The following GALNT13 variants were observed in gnomAD, a reference collection of about 807,000 sequenced individuals.
The protein encoded by GALNT13 is UDP-GalNAc:polypeptide N-acetylgalactosaminyltransferase 13.
Under a neutral mutation model 64.2 loss-of-function variants are expected in GALNT13, and 28 were observed. The observed-to-expected ratio is 0.44, with a 90% CI of 0.32 to 0.60. The LOEUF (loss-of-function observed/expected upper bound fraction) is 0.60, where lower values mean the gene tolerates loss of function less well. Ranked by LOEUF, GALNT13 falls within the 20% of genes least tolerant of loss-of-function variation. The pLI, the probability that GALNT13 is intolerant of heterozygous loss-of-function variation, is 0.05. For missense variants in GALNT13, 577 were observed against 669.8 expected (o/e 0.86, Z 1.53); for synonymous variants, 214 against 224.6 (o/e 0.95, Z 0.42).
the GALNT13 span, among the ~76,000 whole-genome samples, chr2:153,438,886 G>T: frequency 6.6e-6 from 1 of 152,154 alleles, no homozygotes; most frequent in African/African-American, 2.4e-5. Flanking sequence ...TTTGGAGGGG[G>T]AGAGGCGCTC....
the GALNT13 span, among the ~76,000 whole-genome samples, chr2:153,314,624 A>C: frequency 9.2e-5 from 14 of 152,174 alleles, no homozygotes; most frequent in Non-Finnish European, 1.9e-4. Context: ...GAAGTCAAAA[A>C]CAGAAGGAAA....
chr2:153,923,531 CATG>C (rs961022452), intron 2 of GALNT13, among the ~76,000 whole-genome samples: 7 of 151,894 alleles, frequency 4.6e-5, no homozygotes, highest in African/African-American at 1.7e-4. Flanking sequence ...AAATCTCAAT[CATG>C]GTTGTTTTTA....
the GALNT13 span, among the ~76,000 whole-genome samples, chr2:153,303,825 C>G: frequency 6.6e-6 from 1 of 151,996 alleles, no homozygotes; most frequent in Non-Finnish European, 1.5e-5. Flanking sequence ...AATTCACAGC[C>G]TCTTTCTAAC....
At chr2:154,393,050 G>A (rs1574224384) in intron 9 of GALNT13, among the ~76,000 whole-genome samples, 2 of 152,352 alleles carry the variant, frequency 1.3e-5, no homozygotes, top group East Asian at 3.9e-4. Context: ...GAACCTTGGA[G>A]ATGGAGCAAG....
chr2:153,356,008 G>C, the GALNT13 span, among the ~76,000 whole-genome samples: 1 of 151,998 alleles, frequency 6.6e-6, no homozygotes, highest in African/African-American at 2.4e-5. Flanking sequence ...AGCCGGAAGG[G>C]GTCTTAGGCG....
chr2:154,268,432 GGA>G (rs1301656346), intron 8 of GALNT13, among the ~76,000 whole-genome samples: 1 of 152,136 alleles, frequency 6.6e-6, no homozygotes. Flanking sequence ...AGGATTGCAG[GGA>G]GGGATTACCA....
intron 1 of GALNT13, among the ~76,000 whole-genome samples, chr2:153,874,953 A>G (rs1686255583): frequency 6.6e-6 from 1 of 152,142 alleles, no homozygotes; most frequent in Non-Finnish European, 1.5e-5. Context: ...ACATGGCATC[A>G]TTTTTGGGTG....
intron 4 of GALNT13, among the ~76,000 whole-genome samples, chr2:154,146,128 GTGTGTGTGTATATATATA>G (rs763354347): frequency 7.1e-6 from 1 of 141,092 alleles, no homozygotes; most frequent in Non-Finnish European, 1.6e-5. Flanking sequence ...CAATGTATGT[GTGTGTGTGTATATATATA>G]TATATACACA....
At chr2:154,277,669 T>A (rs1180856826) in intron 8 of GALNT13, among the ~76,000 whole-genome samples, 1 of 152,128 alleles carries the variant, frequency 6.6e-6, no homozygotes. Flanking sequence ...AAAAATTGAG[T>A]GGTAAGTACC....
chr2:153,724,936 C>G, the GALNT13 span, among the ~76,000 whole-genome samples: 2 of 151,230 alleles, frequency 1.3e-5, no homozygotes, highest in African/African-American at 4.9e-5. Flanking sequence ...TACCATTTGA[C>G]CCAGCCATCC....
chr2:154,088,738 C>T (rs1307399939), intron 3 of GALNT13, among the ~76,000 whole-genome samples: 1 of 152,150 alleles, frequency 6.6e-6, no homozygotes, highest in African/African-American at 2.4e-5. Flanking sequence ...CAGGTGTAAG[C>T]CACCATGTCC....
chr2:153,526,115 GC>G, the GALNT13 span, among the ~76,000 whole-genome samples: 1 of 152,364 alleles, frequency 6.6e-6, no homozygotes, highest in South Asian at 2.1e-4. Flanking sequence ...ATGCCCCAGG[GC>G]CTGGGGGAGC....
At chr2:154,355,083 A>G (rs1238793432) in intron 9 of GALNT13, among the ~76,000 whole-genome samples, 1 of 151,950 alleles carries the variant, frequency 6.6e-6, no homozygotes, top group Non-Finnish European at 1.5e-5. Flanking sequence ...AATGACCTTA[A>G]GCTTTTCAGA....
rs373564567 is a variant in GALNT13, at chr2:153,983,087, A to T, written c.142+38448A>T. ...AAAACTAAAAAGCGATATTGAAATA[A>T]GTCTATTCTGTTTATAAACTAATTC... On this transcript the variant is annotated intron_variant, in intron 3 of 12. Coordinates refer to ENST00000392825, the MANE Select transcript of GALNT13 (RefSeq NM_052917.4). Among the ~76,000 whole-genome samples, 3 of 152,108 alleles carry T rather than the reference A, an allele frequency of 2.0e-5. No homozygotes were observed. The East Asian group carries it at 5.8e-4, about 29-fold the overall frequency.
the GALNT13 span, among the ~76,000 whole-genome samples, chr2:153,521,719 G>A: frequency 4.6e-5 from 7 of 151,984 alleles, no homozygotes; most frequent in Admixed American, 3.9e-4. Context: ...CTCTACTCCT[G>A]GCAATCGCTG....
chr2:154,336,349 A>G (rs775859526), intron 9 of GALNT13, among the ~76,000 whole-genome samples: 6 of 152,040 alleles, frequency 3.9e-5, no homozygotes, highest in Admixed American at 1.3e-4. Flanking sequence ...GCCTTTCCCA[A>G]TCCAGAGAAT....
the GALNT13 span, among the ~76,000 whole-genome samples, chr2:153,717,803 A>T: frequency 1.3e-5 from 2 of 152,182 alleles, no homozygotes; most frequent in Non-Finnish European, 2.9e-5. Context: ...TCGAGTAAAA[A>T]TTTAAAAGGC....
In GALNT13 at chr2:154,075,559, T is replaced by C. The variant is rs761451133; in HGVS notation, c.143-64778T>C. On this transcript the variant is annotated intron_variant, in intron 3 of 12. Transcript: ENST00000392825. ...TTCCTGTCATTGTTGATCAAATATA[T>C]TTTCAACATTTTGTTATCGTAAATG... is the stretch of plus-strand genomic sequence containing the variant. 1.3e-4 allele frequency among the ~76,000 whole-genome samples: 20 copies of C among 151,920 alleles called. 1 individual carries two copies. The South Asian group carries it at 1.9e-3, about 14-fold the overall frequency.
the GALNT13 span, among the ~76,000 whole-genome samples, chr2:153,708,214 TA>T: frequency 6.6e-6 from 1 of 152,106 alleles, no homozygotes; most frequent in Non-Finnish European, 1.5e-5. Flanking sequence ...AGAAGAAAAC[TA>T]CTGGTGTATG....
Sources: allele counts gnomAD v4.1 joint callset (sites outside exome capture counted in the v4.1 genomes callset), GRCh38; gene constraint gnomAD v4.1.1; transcripts MANE v1.5; gene names NCBI Gene and HGNC (gene_info 2026-07-23, HGNC 2026-07-21).